RCOR3: variants seen among roughly 807,000 people sequenced by gnomAD.
RCOR3 encodes the protein REST corepressor 3.
Under a neutral mutation model 64.1 loss-of-function variants are expected in RCOR3, and 13 were observed. The ratio of observed to expected loss-of-function variants is 0.20; its 90% CI spans 0.13 to 0.32. The LOEUF (loss-of-function observed/expected upper bound fraction) is 0.32. Among genes scored for constraint, RCOR3 ranks in the 10% least tolerant of loss-of-function variants. The pLI is 1.00. For synonymous variants in RCOR3, 215 were observed against 239.0 expected, an observed-to-expected ratio of 0.90 and a Z score of 0.93; for missense variants, 489 against 701.2, an observed-to-expected ratio of 0.70 and a Z score of 3.42.
intron 2 of RCOR3, 50 bp from the exon 3 acceptor site, chr1:211,271,182 C>T (rs1696135928): frequency 2.6e-6 from 4 of 1,522,774 alleles, no homozygotes; most frequent in Admixed American, 3.4e-5. Context: ...TACTTATTTT[C>T]AGTGTAAATA....
rs1327429352 is a variant in RCOR3 at position 211,312,628 on chromosome 1, A to G, written c.1076-92A>G. 3 of 875,430 alleles carry G rather than the reference A, an allele frequency of 3.4e-6. No homozygotes were observed. The highest frequency in any genetic ancestry group is 5.6e-6 in the Non-Finnish European group (3 of 539,348). 54.2% of individuals were successfully genotyped at this position (875,430 alleles called of 1,614,324 possible). On this transcript the variant is annotated intron_variant, in intron 10 of 11. Transcript: ENST00000419091. The surrounding 1 kb of genome is among the most constrained non-coding windows in gnomAD (Gnocchi z 5.0). ...GCAGAGTTTATCAGAAAGGAATTTC[A>G]TTGCTGGTATCTTTTGTGTGTGCAT... is the stretch of plus-strand genomic sequence containing the variant.
chr1:211,305,108 G>A (rs531537201), intron 10 of RCOR3, among the ~76,000 whole-genome samples: 8 of 152,264 alleles, frequency 5.3e-5, no homozygotes, highest in South Asian at 4.1e-4. Context: ...ACATCATTCC[G>A]ATTGATCGAC....
intron 9 of RCOR3, 83 bp downstream of exon 9, chr1:211,295,836 C>T (rs2102607695): frequency 1.1e-6 from 1 of 931,278 alleles, no homozygotes; most frequent in Non-Finnish European, 1.7e-6. Flanking sequence ...CTATTTTGGT[C>T]ACATGCATCA....
chr1:211,272,654 C>A lies in RCOR3; in HGVS notation c.301+1345C>A, dbSNP rs552910855. ...TTTTTTTTTTTGAGACGGAGTCTCG[C>A]TCTGTCGCCCAGGCTGGAGTGCAGT... is the stretch of plus-strand genomic sequence containing the variant. On this transcript the variant is annotated intron_variant, in intron 3 of 11. Coordinates refer to ENST00000419091, the MANE Select transcript of RCOR3 (RefSeq NM_001136223.3). Among the ~76,000 whole-genome samples the A allele has an allele frequency of 4.3e-3, 427 of 99,284 alleles. 4 individuals carry two copies. Among genetic ancestry groups the A allele is most frequent in the African/African-American group, 0.016 (419 of 26,616 alleles). 65.1% of individuals were successfully genotyped at this position (99,284 alleles called of 152,430 possible). A position where few individuals can be genotyped will look rare whatever the true frequency, so the allele number is the denominator to read the frequency against.
At chr1:211,259,822 C>A in intron 1 of RCOR3, 96 bp downstream of exon 1, 1 of 1,206,016 alleles carries the variant, frequency 8.3e-7, no homozygotes, top group Non-Finnish European at 1.1e-6. Flanking sequence ...GCCCTCCCTC[C>A]CCTCAGAGCC....
chr1:211,295,907 T>A (rs1373237142), intron 9 of RCOR3, among the ~76,000 whole-genome samples, 154 bp downstream of exon 9: 1 of 152,254 alleles, frequency 6.6e-6, no homozygotes, highest in African/African-American at 2.4e-5. Context: ...ATTTAGATGA[T>A]CTTATGAGGC....
At chr1:211,285,405 C>G (rs988440047) in intron 7 of RCOR3, among the ~76,000 whole-genome samples, 1 of 152,210 alleles carries the variant, frequency 6.6e-6, no homozygotes, top group Non-Finnish European at 1.5e-5. Context: ...AACTTCTTGC[C>G]ATAATGGCTG....
intron 10 of RCOR3, among the ~76,000 whole-genome samples, chr1:211,305,281 G>T (rs1044720817): frequency 6.6e-6 from 1 of 152,178 alleles, no homozygotes; most frequent in Admixed American, 6.5e-5. Context: ...ATGACACAGG[G>T]TGCTGGATGT....
rs753026029 is a variant in RCOR3 at position 211,312,630 on chromosome 1, T to G, written c.1076-90T>G. Reference sequence around the variant, plus strand: ...AGAGTTTATCAGAAAGGAATTTCATTGCTGGTATCTTTTGTGTGTGCATGA... The same window carrying G: ...AGAGTTTATCAGAAAGGAATTTCATGGCTGGTATCTTTTGTGTGTGCATGA... On this transcript the variant is annotated intron_variant, in intron 10 of 11. Transcript: ENST00000419091. The surrounding 1 kb of genome is among the most constrained non-coding windows in gnomAD (Gnocchi z 5.0). 16 of 879,252 alleles carry G rather than the reference T, an allele frequency of 1.8e-5. No individual in the cohort carries two copies. Among genetic ancestry groups the G allele is most frequent in the Non-Finnish European group, 3.0e-5 (16 of 542,314 alleles). The allele number at this position is 879,252 out of a possible 1,614,324, so 54.5% of individuals were successfully genotyped here. A position where few individuals can be genotyped will look rare whatever the true frequency, so the allele number is the denominator to read the frequency against.
Position 211,312,352 on chromosome 1 carries a change from T to G in RCOR3, c.1076-368T>G. On this transcript the variant is annotated intron_variant, in intron 10 of 11. Transcript: ENST00000419091. The surrounding 1 kb of genome is among the most constrained non-coding windows in gnomAD (Gnocchi z 5.0). ...GTTTACAAACGATGTTGCTCAAATTTAGGTGACTGGCTACTAGGGAAATAA... is the reference window on the plus strand; with the variant it reads ...GTTTACAAACGATGTTGCTCAAATTGAGGTGACTGGCTACTAGGGAAATAA... The G allele has an allele frequency of 2.2e-6, 1 of 464,118 alleles. No homozygotes were observed. The highest frequency in any genetic ancestry group is 2.3e-5 in the Admixed American group (1 of 42,754). 28.7% of individuals were successfully genotyped at this position (464,118 alleles called of 1,614,324 possible).
At chr1:211,264,557 C>T (rs946699122) in intron 2 of RCOR3, among the ~76,000 whole-genome samples, 4 of 152,146 alleles carry the variant, frequency 2.6e-5, no homozygotes, top group Admixed American at 2.6e-4. Flanking sequence ...TGGCATACCA[C>T]ATCTGTACTT....
intron 7 of RCOR3, among the ~76,000 whole-genome samples, chr1:211,285,278 A>G (rs765680334): frequency 5.5e-4 from 84 of 152,250 alleles, no homozygotes; most frequent in Non-Finnish European, 1.3e-4. Context: ...TTGTTTCAAC[A>G]TCAAGTAGGT....
intron 2 of RCOR3, among the ~76,000 whole-genome samples, chr1:211,268,067 A>G (rs1486132099): frequency 6.6e-6 from 1 of 152,196 alleles, no homozygotes; most frequent in Non-Finnish European, 1.5e-5. Flanking sequence ...ACTTAATGGA[A>G]AACTTTCTTT....
intron 2 of RCOR3, among the ~76,000 whole-genome samples, chr1:211,269,438 A>G (rs906811066): frequency 1.3e-5 from 2 of 152,168 alleles, no homozygotes; most frequent in Non-Finnish European, 2.9e-5. Flanking sequence ...TCTACTAAAA[A>G]TAACAAAAAT....
Position 211,273,826 on chromosome 1 carries a change from T to C in RCOR3, c.302-384T>C, listed in dbSNP as rs542503576. 1.2e-4 allele frequency among the ~76,000 whole-genome samples: 19 copies of C among 152,164 alleles called. No homozygotes were observed. The East Asian group carries it at 3.5e-3, about 28-fold the overall frequency. ...AAAGGCTTTGGATCAACTCGAAATA[T>C]GTGAAAGTGTCTTAAACAGCTAAGT... On this transcript the variant is annotated intron_variant, in intron 3 of 11. Coordinates refer to ENST00000419091, the MANE Select transcript of RCOR3 (RefSeq NM_001136223.3).
At chr1:211,267,229 A>G (rs917366651) in intron 2 of RCOR3, among the ~76,000 whole-genome samples, 1 of 152,214 alleles carries the variant, frequency 6.6e-6, no homozygotes, top group Non-Finnish European at 1.5e-5. Flanking sequence ...GACAGATTAA[A>G]TAGATTTATC....
In RCOR3 at chr1:211,313,192, C is replaced by T; in HGVS notation, c.1317+231C>T. 1 of 1,430,942 alleles carries T rather than the reference C, an allele frequency of 7.0e-7. No homozygotes were observed. Among genetic ancestry groups the T allele is most frequent in the Non-Finnish European group, 9.1e-7 (1 of 1,099,234 alleles). 88.6% of individuals were successfully genotyped at this position (1,430,942 alleles called of 1,614,324 possible). ...TCTTTCATAGTCTTATTTTTATTTT[C>T]AGTGTTAAGCTGTTTACAAATAAAG... On this transcript the variant is annotated intron_variant, in intron 11 of 11. Coordinates refer to ENST00000419091, the MANE Select transcript of RCOR3 (RefSeq NM_001136223.3). This position sits in a 1 kb window ranked among gnomAD's most constrained non-coding sequence, Gnocchi z 4.7.
At chr1:211,287,870 A>T (rs928908027) in intron 7 of RCOR3, among the ~76,000 whole-genome samples, 35 of 151,230 alleles carry the variant, frequency 2.3e-4, no homozygotes, top group African/African-American at 8.5e-4. Context: ...CAAAAAAAAA[A>T]TTTTTTTTTG....
intron 7 of RCOR3, among the ~76,000 whole-genome samples, chr1:211,288,092 C>T (rs1223049134): frequency 6.6e-6 from 1 of 151,786 alleles, no homozygotes; most frequent in Admixed American, 6.6e-5. Context: ...CAACTGTAGT[C>T]CTGGCTACTC....
Sources: allele counts gnomAD v4.1 joint callset (sites outside exome capture counted in the v4.1 genomes callset), GRCh38; gene constraint gnomAD v4.1.1; non-coding constraint Gnocchi (gnomAD v3.1); transcripts MANE v1.5; gene names NCBI Gene and HGNC (gene_info 2026-07-23, HGNC 2026-07-21).